The following NELL1 variants were observed in gnomAD, a reference collection of about 807,000 sequenced individuals.
NELL1 encodes the protein protein kinase C-binding protein NELL1.
A neutral mutation model predicts 107.4 loss-of-function variants in NELL1; 76 were observed. The observed-to-expected ratio is 0.71, with a 90% CI of 0.59 to 0.86. The LOEUF (loss-of-function observed/expected upper bound fraction) is 0.86. Among genes scored for constraint, NELL1 ranks in the 40% least tolerant of loss-of-function variants. The probability of loss-of-function intolerance (pLI) is 0.00; values close to 1 mark genes in which losing one functional copy is unlikely to be tolerated. For missense variants in NELL1, 1,024 were observed against 1,005.5 expected, an observed-to-expected ratio of 1.02 and a Z score of -0.25; for synonymous variants, 353 against 341.2, an observed-to-expected ratio of 1.03 and a Z score of -0.38.
At chr11:20,898,265 T>C (rs1262739804) in intron 5 of NELL1, among the ~76,000 whole-genome samples, 2 of 152,144 alleles carry the variant, frequency 1.3e-5, no homozygotes, top group East Asian at 3.8e-4. Flanking sequence ...TTCATGTCCT[T>C]TGTAGGGACA....
At chr11:21,547,789 G>T (rs1335155609) in intron 16 of NELL1, among the ~76,000 whole-genome samples, 1 of 151,792 alleles carries the variant, frequency 6.6e-6, no homozygotes, top group Admixed American at 6.6e-5. Context: ...TTCTCATAAT[G>T]AACCTTCAAG....
chr11:21,504,652 T>C (rs1454571789), intron 15 of NELL1, among the ~76,000 whole-genome samples: 1 of 152,194 alleles, frequency 6.6e-6, no homozygotes, highest in East Asian at 1.9e-4. Flanking sequence ...CCTGATTACA[T>C]ACATTTGGTA....
chr11:20,707,637 C>A (rs1283267174), intron 2 of NELL1, among the ~76,000 whole-genome samples: 1 of 152,190 alleles, frequency 6.6e-6, no homozygotes, highest in Non-Finnish European at 1.5e-5. Context: ...GAGGTCCATT[C>A]CAGACCCTGT....
chr11:21,199,651 CT>C (rs1420430554), intron 13 of NELL1, among the ~76,000 whole-genome samples: 3 of 151,718 alleles, frequency 2.0e-5, no homozygotes, highest in East Asian at 1.9e-4. Context: ...CCATATTTTT[CT>C]TTTTTTTAAT....
At chr11:21,337,829 T>TTGCTTGCTTTCC (rs1565175555) in intron 14 of NELL1, among the ~76,000 whole-genome samples, 4 of 20,368 alleles carry the variant, frequency 2.0e-4, no homozygotes, top group Non-Finnish European at 3.9e-4. Context: ...TCTTTCTTTC[T>TTGCTTGCTTTCC]TTCTTTCTTT....
At chr11:21,329,245 CAGTT>C (rs1850217669) in intron 14 of NELL1, among the ~76,000 whole-genome samples, 4 of 152,080 alleles carry the variant, frequency 2.6e-5, no homozygotes, top group East Asian at 1.9e-4. Flanking sequence ...GTTCTCATGA[CAGTT>C]AGTGAGTTCT....
At chr11:21,194,883 C>T (rs527547381) in intron 13 of NELL1, among the ~76,000 whole-genome samples, 2 of 152,256 alleles carry the variant, frequency 1.3e-5, no homozygotes, top group Non-Finnish European at 2.9e-5. Context: ...ACACCAACCA[C>T]TGGGGAGTAA....
intron 14 of NELL1, among the ~76,000 whole-genome samples, chr11:21,274,866 A>G (rs188959602): frequency 1.3e-5 from 2 of 152,352 alleles, no homozygotes; most frequent in East Asian, 3.9e-4. Flanking sequence ...ACAAAGACAC[A>G]ACATACCAGA....
At chr11:21,404,085 G>T (rs973093721) in intron 15 of NELL1, among the ~76,000 whole-genome samples, 3 of 132,678 alleles carry the variant, frequency 2.3e-5, no homozygotes, top group African/African-American at 8.6e-5. Flanking sequence ...TCTCATTGTT[G>T]AACTTCAGTC....
intron 13 of NELL1, among the ~76,000 whole-genome samples, chr11:21,149,270 A>C (rs1037948298): frequency 6.6e-6 from 1 of 152,202 alleles, no homozygotes; most frequent in African/African-American, 2.4e-5. Flanking sequence ...GGATTTCCTA[A>C]AATCTGAAGG....
chr11:20,926,679 TAAA>T (rs1850503059), intron 7 of NELL1, among the ~76,000 whole-genome samples: 1 of 152,040 alleles, frequency 6.6e-6, no homozygotes, highest in South Asian at 2.1e-4. Context: ...CCTAGAAAAA[TAAA>T]AAAGGTTATT....
At chr11:20,891,039 AC>A (rs1377355005) in intron 5 of NELL1, among the ~76,000 whole-genome samples, 1 of 152,178 alleles carries the variant, frequency 6.6e-6, no homozygotes, top group Admixed American at 6.5e-5. Context: ...GAGAAGATCA[AC>A]CCCAAGACAC....
At chr11:21,364,482 G>A (rs1343669890) in intron 14 of NELL1, among the ~76,000 whole-genome samples, 1 of 150,242 alleles carries the variant, frequency 6.7e-6, no homozygotes, top group Non-Finnish European at 1.5e-5. Flanking sequence ...GGACTAAAAG[G>A]GTAAACAAGT....
chr11:20,865,209 T>C (rs1232728428), intron 4 of NELL1, among the ~76,000 whole-genome samples: 1 of 152,168 alleles, frequency 6.6e-6, no homozygotes, highest in African/African-American at 2.4e-5. Context: ...CGAATACAAC[T>C]TTTGCAGGAT....
At chr11:20,953,926 A>G (rs977783521) in intron 11 of NELL1, among the ~76,000 whole-genome samples, 1 of 152,086 alleles carries the variant, frequency 6.6e-6, no homozygotes, top group African/African-American at 2.4e-5. Context: ...TGTTTATGGT[A>G]TTTTTTGCTG....
chr11:20,912,343 G>C (rs1850150440), intron 5 of NELL1, among the ~76,000 whole-genome samples: 1 of 152,148 alleles, frequency 6.6e-6, no homozygotes, highest in African/African-American at 2.4e-5. Flanking sequence ...GCATCCATTT[G>C]AGAAAAGCTG....
intron 3 of NELL1, among the ~76,000 whole-genome samples, chr11:20,819,961 A>C (rs1857713991): frequency 6.6e-6 from 1 of 152,228 alleles, no homozygotes; most frequent in Admixed American, 6.5e-5. Context: ...CCTTTCAGGC[A>C]GACTTCAGGA....
chr11:20,786,816 G>A (rs1321916359), intron 3 of NELL1, among the ~76,000 whole-genome samples: 2 of 151,802 alleles, frequency 1.3e-5, no homozygotes, highest in African/African-American at 2.4e-5. Flanking sequence ...AGACCATCCT[G>A]GCTAACACGG....
At chr11:20,901,282 G>A (rs1849866946) in intron 5 of NELL1, among the ~76,000 whole-genome samples, 1 of 151,996 alleles carries the variant, frequency 6.6e-6, no homozygotes, top group Non-Finnish European at 1.5e-5. Flanking sequence ...GCATTGCTGA[G>A]CAAAAGCAGC....
Sources: allele counts gnomAD v4.1 joint callset (sites outside exome capture counted in the v4.1 genomes callset), GRCh38; gene constraint gnomAD v4.1.1; transcripts MANE v1.5; gene names NCBI Gene and HGNC (gene_info 2026-07-23, HGNC 2026-07-21).